DNAH6: variants seen among roughly 807,000 people sequenced by gnomAD.
The protein encoded by DNAH6 is axonemal beta dynein heavy chain 6.
DNAH6 carries 340 observed loss-of-function variants against 491.4 expected under a neutral mutation model. The ratio of observed to expected loss-of-function variants is 0.69; its 90% CI spans 0.63 to 0.76. DNAH6 has a LOEUF of 0.76. DNAH6 is among the 30% of genes least tolerant of loss of function. The pLI, the probability that DNAH6 is intolerant of heterozygous loss-of-function variation, is 0.00. For synonymous variants in DNAH6, 1,603 were observed against 1,686.1 expected, an observed-to-expected ratio of 0.95 and a Z score of 1.21; for missense variants, 4,443 against 4,972.2, an observed-to-expected ratio of 0.89 and a Z score of 3.20.
intron 15 of DNAH6, among the ~76,000 whole-genome samples, chr2:84,586,497 G>A (rs924643739): frequency 9.9e-5 from 15 of 152,186 alleles, no homozygotes; most frequent in Non-Finnish European, 1.5e-4. Flanking sequence ...ATTGCTATTT[G>A]TGGATGTAGT....
the DNAH6 span, among the ~76,000 whole-genome samples, chr2:84,488,420 A>T: frequency 2.7e-4 from 40 of 150,746 alleles, no homozygotes; most frequent in African/African-American, 7.9e-4. Context: ...TAAAAAAATT[A>T]AAAAAAAGAA....
At chr2:84,544,734 T>C (rs913155807) in intron 5 of DNAH6, among the ~76,000 whole-genome samples, 14 of 152,154 alleles carry the variant, frequency 9.2e-5, no homozygotes, top group African/African-American at 2.9e-4. Flanking sequence ...CAGGTCCCTT[T>C]TGATTAGAAG....
intron 46 of DNAH6, 109 bp from the exon 47 acceptor site, chr2:84,697,466 C>A: frequency 8.6e-7 from 1 of 1,167,108 alleles, no homozygotes; most frequent in Non-Finnish European, 1.2e-6. Flanking sequence ...TTAAGATTAT[C>A]TTCTCTTAAA....
At chr2:84,678,379 T>G (rs1693458593) in intron 41 of DNAH6, among the ~76,000 whole-genome samples, 2 of 152,188 alleles carry the variant, frequency 1.3e-5, no homozygotes, top group African/African-American at 4.8e-5. Flanking sequence ...AGAACTTTTA[T>G]ATTTATATTT....
rs376731762 is a variant in DNAH6, at chr2:84,702,025, C to A, written c.8061+686C>A. Among the ~76,000 whole-genome samples the A allele has an allele frequency of 7.2e-5, 11 of 152,264 alleles. No homozygotes were observed. In the East Asian group the frequency reaches 1.3e-3, roughly 19 times the overall value. Reference sequence around the variant, plus strand: ...TAGAATGATATGGGCATCACAAGACCATCAAAGTTATGCAGTGAACTGGTC... The same window carrying A: ...TAGAATGATATGGGCATCACAAGACAATCAAAGTTATGCAGTGAACTGGTC... On this transcript the variant is annotated intron_variant, in intron 49 of 76. Coordinates refer to ENST00000389394, the MANE Select transcript of DNAH6 (RefSeq NM_001370.2).
At chr2:84,667,742 A>G (rs1442209648) in intron 37 of DNAH6, among the ~76,000 whole-genome samples, 3 of 152,226 alleles carry the variant, frequency 2.0e-5, no homozygotes, top group African/African-American at 7.2e-5. Context: ...ATTACTGGGT[A>G]TATACCCAAA....
Position 84,640,517 on chromosome 2 carries a change from T to C in DNAH6, c.4909T>C (p.Ser1637Pro), listed in dbSNP as rs773555519. The C allele has an allele frequency of 3.2e-6, 5 of 1,551,302 alleles. No individual in the cohort carries two copies. In the South Asian group the frequency reaches 6.0e-5, roughly 18 times the overall value. Residue 1637 changes from serine (S) to proline (P), a missense_variant, in exon 32 of 77, where the codon TCT becomes CCT. Ser to Pro is a moderately conservative substitution (Grantham distance 74, BLOSUM62 -1). This residue lies in a region of DNAH6 where 2,977 missense variants were observed against 3,296.6 expected (regional missense o/e 0.90). Coordinates refer to ENST00000389394, the MANE Select transcript of DNAH6 (RefSeq NM_001370.2). ...QMYKLCSEQL[S>P]QQDHYDFGMR... ...GTATAAGCTTTGCAGTGAGCAGCTG[T>C]CTCAGCAGGATCACTACGACTTTGG...
chr2:84,577,452 A>G lies in DNAH6; in HGVS notation c.2076+44A>G, dbSNP rs764035617. 6.4e-6 allele frequency: 9 copies of G among 1,397,672 alleles called. No individual in the cohort carries two copies. The South Asian group carries it at 8.7e-5, about 13-fold the overall frequency. The allele number at this position is 1,397,672 out of a possible 1,614,324, so 86.6% of individuals were successfully genotyped here. ...AAAAAATAATTATTCCTCTACAATT[A>G]TTTTATGATTTTTCTACTGCACAAA... On this transcript the variant is annotated intron_variant, in intron 13 of 76. Transcript: ENST00000389394.
intron 55 of DNAH6, among the ~76,000 whole-genome samples, chr2:84,709,957 T>A (rs1251298660): frequency 6.6e-6 from 1 of 152,116 alleles, no homozygotes; most frequent in African/African-American, 2.4e-5. Context: ...ATTTTCTGAC[T>A]CCCTAAGTTC....
At chr2:84,645,057 A>G (rs1402213544) in intron 33 of DNAH6, among the ~76,000 whole-genome samples, 1 of 152,208 alleles carries the variant, frequency 6.6e-6, no homozygotes, top group African/African-American at 2.4e-5. Flanking sequence ...CACTCCCACC[A>G]ACAGTGTAAA....
chr2:84,688,508 C>T lies in DNAH6; in HGVS notation c.7207C>T (p.Gln2403Ter). 1.9e-6 allele frequency: 3 copies of T among 1,543,396 alleles called. No homozygotes were observed. Among genetic ancestry groups the T allele is most frequent in the East Asian group, 4.9e-5 (2 of 40,602 alleles). ...PDIEKTANVLQDYLDDYNLTN... is the reference protein window; with the variant it reads ...PDIEKTANVL ...TATAGAGAAAACTGCAAATGTTCTACAGGACTATCTTGATGATTATAATCT... is the reference window on the plus strand; with the variant it reads ...TATAGAGAAAACTGCAAATGTTCTATAGGACTATCTTGATGATTATAATCT... The change falls in exon 45 of 77, where the codon CAG becomes TAG. Residue 2403 changes from glutamine to a stop codon, truncating the protein, a stop_gained. Coordinates refer to ENST00000389394, the MANE Select transcript of DNAH6 (RefSeq NM_001370.2). LOFTEE classifies it high-confidence loss of function.
At chr2:84,693,189 T>C (rs1253002551) in intron 45 of DNAH6, among the ~76,000 whole-genome samples, 1 of 152,152 alleles carries the variant, frequency 6.6e-6, no homozygotes, top group African/African-American at 2.4e-5. Flanking sequence ...TTCTCCGAGA[T>C]TTGCCCTCCT....
intron 40 of DNAH6, 125 bp downstream of exon 40, chr2:84,672,609 T>C: frequency 1.1e-6 from 1 of 875,628 alleles, no homozygotes; most frequent in Non-Finnish European, 1.7e-6. Flanking sequence ...CAGAAATTTA[T>C]TTTCTCATAA....
chr2:84,517,724 A>G (rs1285718268), intron 1 of DNAH6, 95 bp from the exon 2 acceptor site: 1 of 922,666 alleles, frequency 1.1e-6, no homozygotes, highest in Non-Finnish European at 1.6e-6. Flanking sequence ...AGCGAATTCA[A>G]CTCTTCCTAG....
chr2:84,622,069 T>C (rs1405888487), intron 26 of DNAH6, among the ~76,000 whole-genome samples: 1 of 152,226 alleles, frequency 6.6e-6, no homozygotes, highest in East Asian at 1.9e-4. Context: ...TAAATAGCAC[T>C]AAAACTTTAT....
intron 45 of DNAH6, among the ~76,000 whole-genome samples, chr2:84,688,827 G>A (rs1694559950): frequency 6.6e-6 from 1 of 152,126 alleles, no homozygotes; most frequent in South Asian, 2.1e-4. Flanking sequence ...GATGGTTTCT[G>A]TTTGTTTTTA....
chr2:84,628,023 G>A (rs2104436140), intron 29 of DNAH6, among the ~76,000 whole-genome samples: 1 of 152,268 alleles, frequency 6.6e-6, no homozygotes, highest in South Asian at 2.1e-4. Flanking sequence ...GAGAACTTTA[G>A]AGCCTTCTCT....
At chr2:84,649,223 G>C (rs1228322195) in intron 33 of DNAH6, among the ~76,000 whole-genome samples, 1 of 152,144 alleles carries the variant, frequency 6.6e-6, no homozygotes, top group African/African-American at 2.4e-5. Context: ...CATATGAGTT[G>C]CTTTATTGCT....
chr2:84,691,666 C>T (rs1694857959), intron 45 of DNAH6, among the ~76,000 whole-genome samples: 1 of 122,866 alleles, frequency 8.1e-6, no homozygotes, highest in Non-Finnish European at 1.6e-5. Context: ...GCATAAGCAG[C>T]CACAGACAGT....
Sources: gnomAD v4.1 joint callset for allele counts (sites outside exome capture counted in the v4.1 genomes callset) on GRCh38, gnomAD v4.1.1 for gene constraint, gnomAD v4.1.1 regional missense constraint, MANE v1.5 for transcripts, NCBI Gene and HGNC (gene_info 2026-07-23, HGNC 2026-07-21) for gene names.